Variants in DSCAM observed in about 807,000 individuals in gnomAD.
DSCAM encodes the protein cell adhesion molecule DSCAM.
DSCAM carries 47 observed loss-of-function variants against 217.7 expected under a neutral mutation model. That is an observed-to-expected ratio of 0.22 (90% CI 0.17 to 0.28). The LOEUF is 0.28. Among genes scored for constraint, DSCAM ranks in the 10% least tolerant of loss-of-function variants. The pLI, the probability that DSCAM is intolerant of heterozygous loss-of-function variation, is 1.00. For synonymous variants in DSCAM, 1,056 were observed against 1,015.3 expected, an observed-to-expected ratio of 1.04 and a Z score of -0.76; for missense variants, 2,080 against 2,618.3, an observed-to-expected ratio of 0.79 and a Z score of 4.49.
chr21:40,508,418 C>T (rs983403672), intron 3 of DSCAM, among the ~76,000 whole-genome samples: 1 of 151,980 alleles, frequency 6.6e-6, no homozygotes, highest in Non-Finnish European at 1.5e-5. Context: ...ATTAGAATAA[C>T]TCTATTATGT....
intron 1 of DSCAM, among the ~76,000 whole-genome samples, chr21:40,841,948 C>G (rs754304057): frequency 2.6e-5 from 4 of 152,200 alleles, no homozygotes; most frequent in Non-Finnish European, 5.9e-5. Context: ...TTGCCTTTGC[C>G]CGGTTCCTGT....
At chr21:40,563,610 T>TTA (rs1261148539) in intron 3 of DSCAM, among the ~76,000 whole-genome samples, 15 of 144,404 alleles carry the variant, frequency 1.0e-4, no homozygotes, top group South Asian at 2.3e-4. Flanking sequence ...ATATATATGT[T>TTA]TACATGTTTA....
chr21:40,120,858 T>C (rs1260340825), intron 20 of DSCAM, among the ~76,000 whole-genome samples: 3 of 152,100 alleles, frequency 2.0e-5, no homozygotes, highest in Non-Finnish European at 4.4e-5. Flanking sequence ...AATAAATGCC[T>C]ATCAGCAGAC....
At chr21:40,042,320 G>A in intron 32 of DSCAM, 51 bp downstream of exon 32, 1 of 1,579,842 alleles carries the variant, frequency 6.3e-7, no homozygotes, top group Non-Finnish European at 8.6e-7. Flanking sequence ...GGGAGGACCA[G>A]GAAGGTGCAC....
chr21:40,492,431 A>G (rs947013924), intron 3 of DSCAM, among the ~76,000 whole-genome samples: 34 of 152,192 alleles, frequency 2.2e-4, no homozygotes, highest in Non-Finnish European at 1.9e-4. Context: ...CTCACAAATA[A>G]TTCAAAAAAT....
At chr21:40,577,512 C>T (rs2146214439) in intron 3 of DSCAM, among the ~76,000 whole-genome samples, 1 of 152,212 alleles carries the variant, frequency 6.6e-6, no homozygotes, top group Middle Eastern at 3.4e-3. Context: ...CTGGCTCTCG[C>T]CCAGTGGCGT....
intron 3 of DSCAM, among the ~76,000 whole-genome samples, chr21:40,500,224 C>T (rs941520023): frequency 6.6e-6 from 1 of 152,138 alleles, no homozygotes; most frequent in African/African-American, 2.4e-5. Flanking sequence ...GAAATAGTTT[C>T]TAAATATTTT....
intron 3 of DSCAM, among the ~76,000 whole-genome samples, chr21:40,593,749 C>G (rs2077000831): frequency 6.6e-6 from 1 of 152,222 alleles, no homozygotes; most frequent in African/African-American, 2.4e-5. Flanking sequence ...CTAGAATGCT[C>G]AGTCTGAGCC....
At chr21:40,263,125 G>A (rs1391511360) in intron 11 of DSCAM, among the ~76,000 whole-genome samples, 1 of 152,140 alleles carries the variant, frequency 6.6e-6, no homozygotes, top group Admixed American at 6.5e-5. Flanking sequence ...AGTCCAAAAT[G>A]GAGACAACTG....
chr21:40,594,850 T>C (rs146281887), intron 3 of DSCAM, among the ~76,000 whole-genome samples: 193 of 152,300 alleles, frequency 1.3e-3, no homozygotes, highest in Non-Finnish European at 2.3e-3. Flanking sequence ...CCTCAGTCTT[T>C]GTAGAGGGAA....
chr21:40,495,921 T>C (rs1038984657), intron 3 of DSCAM, among the ~76,000 whole-genome samples: 2 of 152,168 alleles, frequency 1.3e-5, no homozygotes, highest in African/African-American at 4.8e-5. Flanking sequence ...GAAAATAGTC[T>C]CATTTTTTAC....
chr21:40,546,783 G>C (rs1225701674), intron 3 of DSCAM, among the ~76,000 whole-genome samples: 1 of 152,166 alleles, frequency 6.6e-6, no homozygotes, highest in Non-Finnish European at 1.5e-5. Context: ...TTGGGATTAA[G>C]TCACTGCTGG....
chr21:40,644,680 G>A (rs999738162), intron 3 of DSCAM, among the ~76,000 whole-genome samples: 1 of 152,186 alleles, frequency 6.6e-6, no homozygotes, highest in Non-Finnish European at 1.5e-5. Context: ...CGGGGCTCTT[G>A]AGCTGCTTGC....
intron 1 of DSCAM, among the ~76,000 whole-genome samples, chr21:40,803,588 T>C (rs2123508633): frequency 6.6e-6 from 1 of 152,314 alleles, no homozygotes; most frequent in Middle Eastern, 3.4e-3. Flanking sequence ...GTTAATGATT[T>C]AGAAAGGTGA....
At chr21:40,403,608 C>G (rs576401473) in intron 3 of DSCAM, among the ~76,000 whole-genome samples, 6 of 149,308 alleles carry the variant, frequency 4.0e-5, no homozygotes. Flanking sequence ...TGCTTACATA[C>G]ATGTATGCAA....
chr21:40,416,062 C>T (rs1003880138), intron 3 of DSCAM, among the ~76,000 whole-genome samples: 2 of 151,938 alleles, frequency 1.3e-5, no homozygotes, highest in African/African-American at 4.8e-5. Context: ...ATATTTTTTT[C>T]AATAAAATGA....
chr21:40,846,756 C>CGG lies in DSCAM; in HGVS notation c.-97_-96dup. 1 of 517,716 alleles carries CGG rather than the reference C, an allele frequency of 1.9e-6. No homozygotes were observed. 32.1% of individuals were successfully genotyped at this position (517,716 alleles called of 1,614,324 possible). ...CTCCGCTCGCCGCTCGGCACCTGCC[C>CGG]GGGGGCCGCCGCCCGCCCGCCGCCC... On this transcript the variant is annotated 5_prime_UTR_variant, in exon 1 of 33. Coordinates refer to ENST00000400454, the MANE Select transcript of DSCAM (RefSeq NM_001389.5).
chr21:40,364,889 C>A (rs146430653), intron 4 of DSCAM, among the ~76,000 whole-genome samples: 1 of 149,222 alleles, frequency 6.7e-6, no homozygotes, highest in Non-Finnish European at 1.5e-5. Flanking sequence ...GTATAAATGC[C>A]TTACATTTTT....
chr21:40,507,937 G>C (rs1047567224), intron 3 of DSCAM, among the ~76,000 whole-genome samples: 2 of 152,070 alleles, frequency 1.3e-5, no homozygotes, highest in African/African-American at 4.8e-5. Context: ...TGCTCTCCTA[G>C]AGCACCAATC....
Sources: allele counts gnomAD v4.1 joint callset (sites outside exome capture counted in the v4.1 genomes callset), GRCh38; gene constraint gnomAD v4.1.1; transcripts MANE v1.5; gene names NCBI Gene and HGNC (gene_info 2026-07-23, HGNC 2026-07-21).